PCCA: variants seen among roughly 807,000 people sequenced by gnomAD.
PCCA encodes the protein propionyl-CoA carboxylase alpha chain, mitochondrial.
PCCA carries 74 observed loss-of-function variants against 101.3 expected under a neutral mutation model. The observed-to-expected ratio is 0.73, with a 90% confidence interval of 0.61 to 0.89. The LOEUF (loss-of-function observed/expected upper bound fraction) is 0.89, where lower values mean the gene tolerates loss of function less well. Among genes scored for constraint, PCCA ranks in the 40% least tolerant of loss-of-function variants. The pLI is 0.00. For synonymous variants in PCCA, 294 were observed against 313.6 expected, an observed-to-expected ratio of 0.94 and a Z score of 0.66; for missense variants, 891 against 907.0, an observed-to-expected ratio of 0.98 and a Z score of 0.23.
intron 11 of PCCA, among the ~76,000 whole-genome samples, chr13:100,270,477 A>G (rs1181476485): frequency 2.0e-5 from 3 of 152,246 alleles, no homozygotes; most frequent in Non-Finnish European, 1.5e-5. Context: ...TACCTGGGAT[A>G]GAAATCTTTC....
chr13:100,504,440 G>A (rs1460038113), intron 21 of PCCA, among the ~76,000 whole-genome samples: 1 of 152,234 alleles, frequency 6.6e-6, no homozygotes, highest in Non-Finnish European at 1.5e-5. Flanking sequence ...GTGCATCTGA[G>A]AGCGTGTACG....
intron 16 of PCCA, among the ~76,000 whole-genome samples, chr13:100,312,557 C>T (rs1380739245): frequency 2.6e-5 from 4 of 152,222 alleles, no homozygotes; most frequent in African/African-American, 9.6e-5. Context: ...TGCATACCCT[C>T]TGACCCAGCT....
At chr13:100,502,976 G>A (rs2085791769) in intron 21 of PCCA, among the ~76,000 whole-genome samples, 1 of 152,202 alleles carries the variant, frequency 6.6e-6, no homozygotes. Flanking sequence ...GGGCGTTAAA[G>A]CTGTATTTAC....
At chr13:100,481,673 C>A (rs1382366818) in intron 21 of PCCA, among the ~76,000 whole-genome samples, 18 of 151,922 alleles carry the variant, frequency 1.2e-4, no homozygotes, top group Admixed American at 1.2e-3. Flanking sequence ...GATGCTGGAC[C>A]CCGAGAGAGA....
At chr13:100,387,804 A>G (rs771419198) in intron 19 of PCCA, among the ~76,000 whole-genome samples, 3 of 152,186 alleles carry the variant, frequency 2.0e-5, no homozygotes, top group Non-Finnish European at 4.4e-5. Flanking sequence ...TTGCTTGTCT[A>G]ATTGGGTGCA....
chr13:100,494,336 C>T (rs908617443), intron 21 of PCCA, among the ~76,000 whole-genome samples: 1 of 152,178 alleles, frequency 6.6e-6, no homozygotes, highest in Admixed American at 6.5e-5. Flanking sequence ...TTAGCATTCA[C>T]CTTCGGATGC....
At chr13:100,447,536 G>T (rs1347738735) in intron 20 of PCCA, among the ~76,000 whole-genome samples, 1 of 152,042 alleles carries the variant, frequency 6.6e-6, no homozygotes, top group African/African-American at 2.4e-5. Context: ...GGCAGATGTG[G>T]TGGCAGGTGC....
intron 19 of PCCA, among the ~76,000 whole-genome samples, chr13:100,373,181 A>C (rs9585426): frequency 0.011 from 1,722 of 152,324 alleles, 40 homozygotes; most frequent in African/African-American, 0.04. Context: ...AGCACATGAC[A>C]AGATGCTCAA....
At chr13:100,147,912 G>A (rs1270909249) in intron 4 of PCCA, among the ~76,000 whole-genome samples, 1 of 151,806 alleles carries the variant, frequency 6.6e-6, no homozygotes, top group Non-Finnish European at 1.5e-5. Flanking sequence ...ATAACATAAA[G>A]TTTACTATTT....
At chr13:100,350,104 G>A (rs2073079872) in intron 18 of PCCA, among the ~76,000 whole-genome samples, 1 of 152,056 alleles carries the variant, frequency 6.6e-6, no homozygotes. Context: ...AGATGAGTGG[G>A]GTGAGAAACA....
intron 18 of PCCA, among the ~76,000 whole-genome samples, chr13:100,357,619 C>T (rs1333892472): frequency 6.6e-6 from 1 of 152,232 alleles, no homozygotes; most frequent in Non-Finnish European, 1.5e-5. Flanking sequence ...TAATTATAAA[C>T]TCTGGACAAA....
chr13:100,394,972 C>T lies in PCCA; in HGVS notation c.1746+26398C>T, dbSNP rs563896561. 3.0e-4 allele frequency among the ~76,000 whole-genome samples: 45 copies of T among 152,204 alleles called. No homozygotes were observed. The highest frequency in any genetic ancestry group is 1.1e-3 in the African/African-American group (45 of 41,534). ...ACATTTCAGGGGGTTGTGATCTCTC[C>T]CAGAATCCCGTTCATGCATTGTGTT... On this transcript the variant is annotated intron_variant, in intron 19 of 23. Transcript: ENST00000376285. The surrounding 1 kb of genome is among the most constrained non-coding windows in gnomAD (Gnocchi z 4.3).
chr13:100,349,002 G>A lies in PCCA; in HGVS notation c.1643+8743G>A, dbSNP rs146848038. Among the ~76,000 whole-genome samples, 516 of 146,600 alleles carry A rather than the reference G, an allele frequency of 3.5e-3. 5 individuals carry two copies. The highest frequency in any genetic ancestry group is 0.013 in the African/African-American group (499 of 39,592). On this transcript the variant is annotated intron_variant, in intron 18 of 23. Coordinates refer to ENST00000376285, the MANE Select transcript of PCCA (RefSeq NM_000282.4). ...CTCTCATCCGGGCTGGAGTACAGTG[G>A]TGTGATCTTGGCTCACTACAGCCTC...
intron 7 of PCCA, among the ~76,000 whole-genome samples, chr13:100,234,310 T>G (rs1359693877): frequency 6.6e-6 from 1 of 152,176 alleles, no homozygotes; most frequent in East Asian, 1.9e-4. Context: ...TTTTCATCCC[T>G]TTAAGCTAAA....
chr13:100,227,985 T>G (rs865952811), intron 7 of PCCA, among the ~76,000 whole-genome samples: 20 of 152,210 alleles, frequency 1.3e-4, no homozygotes, highest in Non-Finnish European at 4.4e-5. Context: ...CAAATTTGTT[T>G]TAACAATTCT....
chr13:100,290,429 T>C (rs1260670912), intron 12 of PCCA, among the ~76,000 whole-genome samples: 1 of 152,106 alleles, frequency 6.6e-6, no homozygotes. Flanking sequence ...CCCAGCCTGG[T>C]CTCAAACTCC....
intron 21 of PCCA, among the ~76,000 whole-genome samples, chr13:100,503,604 C>G (rs1334772616): frequency 6.6e-6 from 1 of 151,514 alleles, no homozygotes; most frequent in Admixed American, 6.6e-5. Flanking sequence ...AAATCTCTCC[C>G]TCTTTAAATG....
intron 20 of PCCA, among the ~76,000 whole-genome samples, chr13:100,426,849 T>C (rs954065028): frequency 1.6e-4 from 25 of 152,316 alleles, no homozygotes; most frequent in African/African-American, 6.0e-4. Context: ...TGAGTTGAAA[T>C]AGTTTAAGAC....
chr13:100,489,468 C>G (rs1373550581), intron 21 of PCCA, among the ~76,000 whole-genome samples: 1 of 152,234 alleles, frequency 6.6e-6, no homozygotes, highest in Non-Finnish European at 1.5e-5. Context: ...TTGCCCACCT[C>G]TGACCTAGAT....
Sources: allele counts gnomAD v4.1 joint callset (sites outside exome capture counted in the v4.1 genomes callset), GRCh38; gene constraint gnomAD v4.1.1; non-coding constraint Gnocchi (gnomAD v3.1); transcripts MANE v1.5; gene names NCBI Gene and HGNC (gene_info 2026-07-23, HGNC 2026-07-21).